The following STARD3 variants were observed in gnomAD, a reference collection of about 807,000 sequenced individuals.
The protein encoded by STARD3 is StAR related lipid transfer domain containing 3, also known as stAR-related lipid transfer protein 3.
Under a neutral mutation model 62.0 loss-of-function variants are expected in STARD3, and 39 were observed. The observed-to-expected ratio is 0.63, with a 90% CI of 0.49 to 0.82. The LOEUF is 0.82. Among genes scored for constraint, STARD3 ranks in the 40% least tolerant of loss-of-function variants. The pLI, the probability that STARD3 is intolerant of heterozygous loss-of-function variation, is 0.00. For missense variants in STARD3, 543 were observed against 584.5 expected, an observed-to-expected ratio of 0.93 and a Z score of 0.73; for synonymous variants, 229 against 242.4, an observed-to-expected ratio of 0.94 and a Z score of 0.51.
In STARD3 at chr17:39,653,291, ATTAGC is replaced by A. The variant is rs1244543428; in HGVS notation, c.-51-189_-51-185del. 6.8e-6 allele frequency: 4 copies of A among 587,568 alleles called. No individual in the cohort carries two copies. The East Asian group carries it at 1.1e-4, about 17-fold the overall frequency. 36.4% of individuals were successfully genotyped at this position (587,568 alleles called of 1,614,324 possible). On this transcript the variant is annotated intron_variant, in intron 1 of 14. Coordinates refer to ENST00000336308, the MANE Select transcript of STARD3 (RefSeq NM_006804.4). ...GGAGCACCAGGAAGGAGGACAGATAATTAGCGGAATGCTCAACCCTGCAGCCTGGG... is the reference window on the plus strand; with the variant it reads ...GGAGCACCAGGAAGGAGGACAGATAAGGAATGCTCAACCCTGCAGCCTGGG...
chr17:39,662,215 G>A (rs373191520), intron 13 of STARD3, 36 bp from the exon 14 acceptor site: 1 of 1,598,194 alleles, frequency 6.3e-7, no homozygotes, highest in African/African-American at 1.3e-5. Context: ...GCCTCACTCT[G>A]TTCCAAAGTC....
chr17:39,648,740 G>A (rs2057050030), intron 1 of STARD3, among the ~76,000 whole-genome samples: 1 of 152,070 alleles, frequency 6.6e-6, no homozygotes, highest in Admixed American at 6.6e-5. Context: ...CCCATGCTTG[G>A]CTCCCACACT....
chr17:39,645,168 G>A (rs879517816), intron 1 of STARD3, among the ~76,000 whole-genome samples: 3 of 152,198 alleles, frequency 2.0e-5, no homozygotes, highest in Admixed American at 6.5e-5. Flanking sequence ...GGTCTCAAGA[G>A]GAAGGAGTAG....
In STARD3 at chr17:39,660,751, C is replaced by G. The variant is rs2057187757; in HGVS notation, c.955-59C>G. On this transcript the variant is annotated intron_variant, in intron 11 of 14. Transcript: ENST00000336308. The surrounding 1 kb of genome is among the most constrained non-coding windows in gnomAD (Gnocchi z 4.8). ...GTTAGTAAAGGGGCCTGGGGTGTTC[C>G]CATCCCTGGGGTTTTCCTGGGGCGA... 1 of 1,529,644 alleles carries G rather than the reference C, an allele frequency of 6.5e-7. No individual in the cohort carries two copies. Among genetic ancestry groups the G allele is most frequent in the Admixed American group, 2.0e-5 (1 of 50,288 alleles). The allele number at this position is 1,529,644 out of a possible 1,614,324, so 94.8% of individuals were successfully genotyped here.
In STARD3 at chr17:39,661,102, C is replaced by CT; in HGVS notation, c.1139+18dup. ...ATATGTCCGGTGAGCCTCACTTTGC[C>CT]TGGGGTCACCCCTGCCAGCCCCTCC... On this transcript the variant is annotated intron_variant, in intron 13 of 14. Coordinates refer to ENST00000336308, the MANE Select transcript of STARD3 (RefSeq NM_006804.4). 6.2e-7 allele frequency: 1 copy of CT among 1,610,846 alleles called. No individual in the cohort carries two copies. The highest frequency in any genetic ancestry group is 8.5e-7 in the Non-Finnish European group (1 of 1,178,316).
intron 1 of STARD3, among the ~76,000 whole-genome samples, chr17:39,643,860 G>A (rs527568764): frequency 6.6e-6 from 1 of 152,368 alleles, no homozygotes; most frequent in East Asian, 1.9e-4. Flanking sequence ...CCATTGCATT[G>A]AATAAGTCAT....
intron 1 of STARD3, among the ~76,000 whole-genome samples, chr17:39,650,294 G>A (rs575502568): frequency 2.6e-5 from 4 of 152,262 alleles, no homozygotes; most frequent in African/African-American, 4.8e-5. Flanking sequence ...AAGACCGGTC[G>A]GCGTTTGTGG....
intron 1 of STARD3, among the ~76,000 whole-genome samples, chr17:39,646,860 T>G (rs912804761): frequency 6.6e-6 from 1 of 152,158 alleles, no homozygotes; most frequent in African/African-American, 2.4e-5. Context: ...CCCTGGCACC[T>G]GACTTCCCCC....
chr17:39,662,224 T>TC (rs538482001), intron 13 of STARD3, 27 bp from the exon 14 acceptor site: 3 of 1,605,394 alleles, frequency 1.9e-6, no homozygotes, highest in South Asian at 2.2e-5. Flanking sequence ...TGTTCCAAAG[T>TC]CCCCCCAATG....
intron 1 of STARD3, among the ~76,000 whole-genome samples, chr17:39,652,151 G>A (rs1367531310): frequency 6.6e-6 from 1 of 152,204 alleles, no homozygotes. Context: ...GTGGATCTGT[G>A]GGCATGGGGT....
chr17:39,642,384 G>T (rs2056989562), intron 1 of STARD3, among the ~76,000 whole-genome samples: 1 of 152,202 alleles, frequency 6.6e-6, no homozygotes, highest in Admixed American at 6.5e-5. Context: ...TGGGCTCTGG[G>T]CAGGGAAGAC....
Position 39,658,473 on chromosome 17 carries a change from C to T in STARD3, c.498C>T (p.Thr166=). 1 of 1,614,158 alleles carries T rather than the reference C, an allele frequency of 6.2e-7. No individual in the cohort carries two copies. Among genetic ancestry groups the T allele is most frequent in the Non-Finnish European group, 8.5e-7 (1 of 1,180,006 alleles). The change falls in exon 6 of 15, where the codon ACC becomes ACT. Residue 166 remains threonine (T), a synonymous_variant. Transcript: ENST00000336308. ...CTTTTGTCCTCGCCTGGTTGGAGAC[C>T]TGGTTCCTTGACTTCAAAGTCCTAC... ...IVSFVLAWLE[T]WFLDFKVLPQ...
chr17:39,656,384 C>T (rs2145000342), intron 2 of STARD3, among the ~76,000 whole-genome samples: 1 of 152,262 alleles, frequency 6.6e-6, no homozygotes, highest in East Asian at 1.9e-4. Flanking sequence ...TCCCTCAAAC[C>T]TCTGGACATT....
At chr17:39,641,674 C>T (rs2056984225) in intron 1 of STARD3, among the ~76,000 whole-genome samples, 1 of 152,192 alleles carries the variant, frequency 6.6e-6, no homozygotes, top group Non-Finnish European at 1.5e-5. Flanking sequence ...TCCCTTCAAG[C>T]TCTGTGAAGT....
intron 3 of STARD3, among the ~76,000 whole-genome samples, chr17:39,657,406 A>G: frequency 6.6e-6 from 1 of 152,236 alleles, no homozygotes; most frequent in African/African-American, 2.4e-5. Context: ...TCGCACCCAT[A>G]ATCCCAGCTA....
At chr17:39,647,059 C>T (rs749781201) in intron 1 of STARD3, among the ~76,000 whole-genome samples, 1 of 152,078 alleles carries the variant, frequency 6.6e-6, no homozygotes, top group African/African-American at 2.4e-5. Context: ...AATAGGCAGG[C>T]GTGGTGGCGG....
intron 5 of STARD3, 85 bp from the exon 6 acceptor site, chr17:39,658,320 T>C: frequency 7.8e-7 from 1 of 1,284,548 alleles, no homozygotes; most frequent in Non-Finnish European, 1.1e-6. Flanking sequence ...TATGCCAGTT[T>C]GGCTGGCTAG....
At position 39,662,855 on chromosome 17, in the gene STARD3, G is replaced by C; in HGVS notation, c.1285G>C (p.Glu429Gln). 3 of 1,612,808 alleles carry C rather than the reference G, an allele frequency of 1.9e-6. No individual in the cohort carries two copies. Among genetic ancestry groups the C allele is most frequent in the South Asian group, 1.1e-5 (1 of 90,944 alleles). The stretch of plus-strand genomic sequence containing the variant: ...CCAGAGCCTCGCGGCCACCATGTTT[G>C]AATTTGCCTTTCACCTGCGACAGCG... ...IHQSLAATMF[E>Q]FAFHLRQRIS... Residue 429 changes from glutamate (E) to glutamine (Q), a missense_variant, in exon 15 of 15, where the codon GAA (glutamate) becomes CAA (glutamine). By Grantham distance (29) the Glu-to-Gln change is conservative. Coordinates refer to ENST00000336308, the MANE Select transcript of STARD3 (RefSeq NM_006804.4).
chr17:39,640,248 T>C (rs2056971431), intron 1 of STARD3, among the ~76,000 whole-genome samples: 1 of 152,152 alleles, frequency 6.6e-6, no homozygotes, highest in African/African-American at 2.4e-5. Context: ...GGCTCCACTT[T>C]ACAGATGAGG....
Sources: gnomAD v4.1 joint callset for allele counts (sites outside exome capture counted in the v4.1 genomes callset) on GRCh38, gnomAD v4.1.1 for gene constraint, Gnocchi (gnomAD v3.1) non-coding constraint, MANE v1.5 for transcripts, NCBI Gene and HGNC (gene_info 2026-07-23, HGNC 2026-07-21) for gene names.